The following CDCA5 variants were observed in gnomAD, a reference collection of about 807,000 sequenced individuals.
CDCA5 encodes the protein sororin.
A neutral mutation model predicts 25.7 loss-of-function variants in CDCA5; 14 were observed. The ratio of observed to expected loss-of-function variants is 0.54; its 90% CI spans 0.36 to 0.85. The LOEUF (loss-of-function observed/expected upper bound fraction) is 0.85, where lower values mean the gene tolerates loss of function less well. CDCA5 is among the 40% of genes least tolerant of loss of function. The probability of loss-of-function intolerance (pLI) is 0.01; values close to 1 mark genes in which losing one functional copy is unlikely to be tolerated. For missense variants in CDCA5, 307 were observed against 324.5 expected (o/e 0.95, Z 0.41); for synonymous variants, 127 against 128.7 (o/e 0.99, Z 0.09).
chr11:65,063,456 T>C (rs1237415194), downstream of CDCA5, among the ~76,000 whole-genome samples: 1 of 152,134 alleles, frequency 6.6e-6, no homozygotes, highest in African/African-American at 2.4e-5. Flanking sequence ...CGCCAACACA[T>C]GGAATGCACC....
At chr11:65,065,612 A>G (rs1190854053), downstream of CDCA5, among the ~76,000 whole-genome samples, 1 of 152,196 alleles carries the variant, frequency 6.6e-6, no homozygotes, top group African/African-American at 2.4e-5. Context: ...TTAAAAATAA[A>G]TGCCCTTTAG....
chr11:65,064,578 G>A (rs559510178), downstream of CDCA5, among the ~76,000 whole-genome samples: 3 of 152,288 alleles, frequency 2.0e-5, no homozygotes, highest in South Asian at 6.2e-4. Context: ...AGTACCCTAT[G>A]ATTCCCTTTG....
chr11:65,068,171 A>C, intron 2 of CDCA5: 1 of 1,143,644 alleles, frequency 8.7e-7, no homozygotes, highest in Admixed American at 2.3e-5. Context: ...TGCTCACCCA[A>C]GAGCCTGGGT....
chr11:65,083,801 A>T (rs140555932), intron 1 of CDCA5, 78 bp from the exon 2 acceptor site: 1 of 1,576,460 alleles, frequency 6.3e-7, no homozygotes, highest in African/African-American at 1.3e-5. Flanking sequence ...AGAGACAGCG[A>T]GAAGATTCCC....
At chr11:65,075,432 C>G (rs1346802509), downstream of CDCA5, among the ~76,000 whole-genome samples, 2 of 151,936 alleles carry the variant, frequency 1.3e-5, no homozygotes, top group African/African-American at 2.4e-5. Flanking sequence ...AGGGGAGAAA[C>G]AGGATCATAT....
At chr11:65,082,459 C>CTTTTTTTT (rs35061489) in intron 4 of CDCA5, among the ~76,000 whole-genome samples, 1 of 103,084 alleles carries the variant, frequency 9.7e-6, no homozygotes, top group Non-Finnish European at 2.0e-5. Flanking sequence ...ACCTACTTGT[C>CTTTTTTTT]TTTTTTTTTT....
downstream of CDCA5, among the ~76,000 whole-genome samples, chr11:65,064,434 A>AG (rs1947213715): frequency 6.6e-6 from 1 of 151,850 alleles, no homozygotes; most frequent in African/African-American, 2.4e-5. Flanking sequence ...AAAAAAAAAA[A>AG]AAGCATAATT....
intron 3 of CDCA5, chr11:65,067,848 T>C: frequency 1.1e-6 from 1 of 897,536 alleles, no homozygotes; most frequent in Non-Finnish European, 1.6e-6. Flanking sequence ...AGGCCCCGGC[T>C]TCAGCAGGCC....
Position 65,077,540 on chromosome 11 carries a change from A to C in CDCA5, c.*1567T>G, listed in dbSNP as rs1947470984. 1.0e-6 allele frequency: 1 copy of C among 985,352 alleles called. No homozygotes were observed. The highest frequency in any genetic ancestry group is 6.1e-5 in the Admixed American group (1 of 16,276). The allele number at this position is 985,352 out of a possible 1,614,324, so 61.0% of individuals were successfully genotyped here. ...TCCTTAAATTTAGTTCCTCAGGAAC[A>C]GAGAACTTTGCAATGATGATCTCAA... On this transcript the variant is annotated 3_prime_UTR_variant, in exon 6 of 6. Coordinates refer to ENST00000275517, the MANE Select transcript of CDCA5 (RefSeq NM_080668.4).
downstream of CDCA5, chr11:65,066,338 T>C: frequency 1.7e-6 from 2 of 1,170,960 alleles, no homozygotes; most frequent in Non-Finnish European, 2.1e-6. Context: ...AGGGAGGAGC[T>C]GGCTGAAGGA....
At position 65,068,522 on chromosome 11, in the gene CDCA5, T is replaced by C. The variant is rs866261826; in HGVS notation, c.143A>G (p.Lys48Arg). Reference sequence around the variant, plus strand: ...CCGCTCCTCGGAAGCCTGAGGGCCCTTGGGTTCTTGCTCCTCAACAGGCTG... The same window carrying C: ...CCGCTCCTCGGAAGCCTGAGGGCCCCTGGGTTCTTGCTCCTCAACAGGCTG... The change falls in exon 2 of 7, where the codon AAG becomes AGG. Residue 48 changes from lysine (K) to arginine (R), a missense_variant. Physicochemically the swap from Lys to Arg is conservative, Grantham distance 26. Transcript: ENST00000525464. 187 of 1,289,284 alleles carry C rather than the reference T, an allele frequency of 1.5e-4. No individual in the cohort carries two copies. In the African/African-American group the frequency reaches 2.7e-3, roughly 18 times the overall value. 79.9% of individuals were successfully genotyped at this position (1,289,284 alleles called of 1,614,324 possible). A position where few individuals can be genotyped will look rare whatever the true frequency, so the allele number is the denominator to read the frequency against.
rs377031971 is a variant in CDCA5 at position 65,083,569 on chromosome 11, C to A, written c.142-19G>T. ...TGGGTGTCTGGAGAAGAGGGATGAA[C>A]GTGAGCTCAACATTAGGTGAGGGGC... On this transcript the variant is annotated intron_variant, in intron 2 of 5. Transcript: ENST00000275517. 1 of 1,614,102 alleles carries A rather than the reference C, an allele frequency of 6.2e-7. No homozygotes were observed. The highest frequency in any genetic ancestry group is 1.1e-5 in the South Asian group (1 of 91,084).
At position 65,079,203 on chromosome 11, in the gene CDCA5, TGAG is replaced by T. The variant is rs752243827; in HGVS notation, c.679-19_679-17del. 38 of 1,531,430 alleles carry T rather than the reference TGAG, an allele frequency of 2.5e-5. No individual in the cohort carries two copies. Among genetic ancestry groups the T allele is most frequent in the Admixed American group, 1.9e-4 (9 of 46,742 alleles). 94.9% of individuals were successfully genotyped at this position (1,531,430 alleles called of 1,614,324 possible). ...GCTCCGTTTTCTGAGGGAAGAGAAA[TGAG>T]GAGCAGGTGAGTGAGAAGGGAACAT... is the stretch of plus-strand genomic sequence containing the variant. On this transcript the variant is annotated splice_polypyrimidine_tract_variant and intron_variant, in intron 5 of 5. Transcript: ENST00000275517.
intron 3 of CDCA5, chr11:65,067,929 G>A (rs965541796): frequency 2.1e-5 from 19 of 919,732 alleles, no homozygotes; most frequent in Non-Finnish European, 2.9e-5. Context: ...TGGGTGTGGG[G>A]TGGGGAGAAA....
Position 65,078,324 on chromosome 11 carries a change from G to A in CDCA5, c.*783C>T, listed in dbSNP as rs1039699768. On this transcript the variant is annotated 3_prime_UTR_variant, in exon 6 of 6. Coordinates refer to ENST00000275517, the MANE Select transcript of CDCA5 (RefSeq NM_080668.4). Reference sequence around the variant, plus strand: ...TGCAAGGGACCAGCCCAGAGGCCATGAGCCACAGAAACTCACAGCACCTGG... The same window carrying A: ...TGCAAGGGACCAGCCCAGAGGCCATAAGCCACAGAAACTCACAGCACCTGG... 1.0e-6 allele frequency: 1 copy of A among 985,602 alleles called. No individual in the cohort carries two copies. The highest frequency in any genetic ancestry group is 1.2e-6 in the Non-Finnish European group (1 of 829,992). 61.1% of individuals were successfully genotyped at this position (985,602 alleles called of 1,614,324 possible).
At position 65,077,780 on chromosome 11, in the gene CDCA5, G is replaced by A. The variant is rs1947475654; in HGVS notation, c.*1327C>T. The A allele has an allele frequency of 2.0e-6, 2 of 985,564 alleles. No individual in the cohort carries two copies. The highest frequency in any genetic ancestry group is 1.7e-5 in the African/African-American group (1 of 57,336). The allele number at this position is 985,564 out of a possible 1,614,324, so 61.1% of individuals were successfully genotyped here. A position where few individuals can be genotyped will look rare whatever the true frequency, so the allele number is the denominator to read the frequency against. ...AGACCTGGCAGAGGGTTTTATTAGG[G>A]CCCGCCTGGCCTGCACCGTTTCATC... On this transcript the variant is annotated 3_prime_UTR_variant, in exon 6 of 6. Transcript: ENST00000275517.
rs564966 is a variant in CDCA5 at position 65,083,041 on chromosome 11, A to C, written c.243+323T>G. Among the ~76,000 whole-genome samples the C allele has an allele frequency of 2.0e-5, 3 of 151,978 alleles. No individual in the cohort carries two copies. The East Asian group carries it at 5.8e-4, about 29-fold the overall frequency. Reference sequence around the variant, plus strand: ...CTTCTGCTAAAACTGTAAAAATGTCATACACATGACTTATCTCAGAACACC... The same window carrying C: ...CTTCTGCTAAAACTGTAAAAATGTCCTACACATGACTTATCTCAGAACACC... On this transcript the variant is annotated intron_variant, in intron 4 of 5. Coordinates refer to ENST00000275517, the MANE Select transcript of CDCA5 (RefSeq NM_080668.4).
intron 4 of CDCA5, among the ~76,000 whole-genome samples, chr11:65,082,781 T>A (rs977294090): frequency 6.6e-6 from 1 of 151,864 alleles, no homozygotes. Flanking sequence ...CTTTAAAGAC[T>A]CAGTTCAAAT....
chr11:65,079,171 T>A lies in CDCA5; in HGVS notation c.695A>T (p.Glu232Val). Residue 232 changes from glutamate (E) to valine (V), a missense_variant, in exon 6 of 6, where the codon GAG becomes GTG. By Grantham distance (121) the Glu-to-Val change is moderately radical. Coordinates refer to ENST00000275517, the MANE Select transcript of CDCA5 (RefSeq NM_080668.4). ...MPEILKTELD[E>V]WAAAMNAEFE... The stretch of plus-strand genomic sequence containing the variant: ...CTCGGCATTCATGGCCGCAGCCCAC[T>A]CATCCAGCTCCGTTTTCTGAGGGAA... 2 of 1,522,132 alleles carry A rather than the reference T, an allele frequency of 1.3e-6. No homozygotes were observed. Among genetic ancestry groups the A allele is most frequent in the Non-Finnish European group, 1.8e-6 (2 of 1,135,926 alleles). 94.3% of individuals were successfully genotyped at this position (1,522,132 alleles called of 1,614,324 possible).
Sources: allele counts gnomAD v4.1 joint callset (sites outside exome capture counted in the v4.1 genomes callset), GRCh38; gene constraint gnomAD v4.1.1; transcripts MANE v1.5; gene names NCBI Gene and HGNC (gene_info 2026-07-23, HGNC 2026-07-21).